ANK1: variants seen among roughly 807,000 people sequenced by gnomAD.
The protein encoded by ANK1 is ankyrin-1.
Under a neutral mutation model 210.4 loss-of-function variants are expected in ANK1, and 51 were observed. The ratio of observed to expected loss-of-function variants is 0.24; its 90% CI spans 0.19 to 0.31. ANK1 has a LOEUF of 0.31. Ranked by LOEUF, ANK1 falls within the 10% of genes least tolerant of loss-of-function variation. ANK1 has a pLI of 1.00. For missense variants in ANK1, 2,051 were observed against 2,504.4 expected (o/e 0.82, Z 3.86); for synonymous variants, 967 against 1,025.9 (o/e 0.94, Z 1.10).
intron 35 of ANK1, among the ~76,000 whole-genome samples, 175 bp from the exon 36 acceptor site, chr8:41,686,458 T>A (rs921301786): frequency 6.6e-6 from 1 of 152,182 alleles, no homozygotes; most frequent in Non-Finnish European, 1.5e-5. Context: ...AAATTCCTTA[T>A]GAAATGCCAG....
At chr8:41,805,374 TGGGACTACA>T (rs1400832730) in intron 1 of ANK1, among the ~76,000 whole-genome samples, 1 of 152,074 alleles carries the variant, frequency 6.6e-6, no homozygotes, top group Non-Finnish European at 1.5e-5. Context: ...TCGAAGTAGC[TGGGACTACA>T]GGTTTGTGCC....
In ANK1 at chr8:41,725,998, C is replaced by T. The variant is rs770654681; in HGVS notation, c.427-52G>A. ...TCTGACTCGTCTGACGCCAGCCGCC[C>T]TTCACACGGGACACACCCTTGCCCC... On this transcript the variant is annotated intron_variant, in intron 5 of 42. Coordinates refer to ENST00000289734, the MANE Select transcript of ANK1 (RefSeq NM_000037.4). 3 of 1,587,540 alleles carry T rather than the reference C, an allele frequency of 1.9e-6. No individual in the cohort carries two copies. The African/African-American group carries it at 4.0e-5, about 21-fold the overall frequency.
At chr8:41,866,965 A>G (rs944975087) in intron 1 of ANK1, among the ~76,000 whole-genome samples, 2 of 152,236 alleles carry the variant, frequency 1.3e-5, no homozygotes, top group Admixed American at 1.3e-4. Flanking sequence ...TCCTTTGGAT[A>G]TATACCCAGA....
rs140973736 is a variant in ANK1, at chr8:41,888,550, G to A, written c.126+7805C>T. 6.6e-5 allele frequency among the ~76,000 whole-genome samples: 10 copies of A among 152,318 alleles called. No homozygotes were observed. In the East Asian group the frequency reaches 1.9e-3, roughly 29 times the overall value. ...GGCGCTTCTGGGATAGGCCTGGGAAGCATCCACATAAAAAGCTAAAGGCCC... is the reference window on the plus strand; with the variant it reads ...GGCGCTTCTGGGATAGGCCTGGGAAACATCCACATAAAAAGCTAAAGGCCC... On this transcript the variant is annotated intron_variant, in intron 1 of 42. Transcript: ENST00000265709.
intron 1 of ANK1, among the ~76,000 whole-genome samples, chr8:41,779,058 C>G (rs1048797721): frequency 6.6e-6 from 1 of 152,084 alleles, no homozygotes; most frequent in African/African-American, 2.4e-5. Flanking sequence ...GTCCCGGAGG[C>G]CTTTATGAGG....
chr8:41,785,429 AG>A lies in ANK1; in HGVS notation c.27+12082del, dbSNP rs1846141832. Reference sequence around the variant, plus strand: ...GTTTGTGATTAAGGACTCTGAGTCTAGGGCCAGCTTGCCTGGCTTCCTGCCC... The same window carrying A: ...GTTTGTGATTAAGGACTCTGAGTCTAGGCCAGCTTGCCTGGCTTCCTGCCC... On this transcript the variant is annotated intron_variant, in intron 1 of 42. Transcript: ENST00000289734. 2.0e-5 allele frequency among the ~76,000 whole-genome samples: 3 copies of A among 152,354 alleles called. No homozygotes were observed. The South Asian group carries it at 6.2e-4, about 32-fold the overall frequency.
chr8:41,697,928 T>C (rs1821559405), intron 24 of ANK1, 115 bp downstream of exon 24: 1 of 943,762 alleles, frequency 1.1e-6, no homozygotes, highest in African/African-American at 1.6e-5. Context: ...GGACAGTGAG[T>C]GGCATGTGAG....
At chr8:41,693,015 C>G (rs1443468035) in intron 30 of ANK1, 90 bp downstream of exon 30, 7 of 1,515,214 alleles carry the variant, frequency 4.6e-6, no homozygotes, top group Admixed American at 1.7e-5. Flanking sequence ...ATGGAGGGGA[C>G]AGTGAGGGAG....
chr8:41,706,204 C>G lies in ANK1; in HGVS notation c.2036G>C (p.Gly679Ala), dbSNP rs777182935. The stretch of plus-strand genomic sequence containing the variant: ...CAGCACATCTGCCACTGGAACGTGG[C>G]CTTCTTGTGCTACCAGATGGAGGGG... ...LTPLHLVAQE[G>A]HVPVADVLIK... Residue 679 changes from glycine to alanine, a missense_variant, in exon 18 of 43, where the codon GGC (glycine) becomes GCC (alanine). Gly to Ala is a moderately conservative substitution (Grantham distance 60). Around this residue, in one of 6 missense-constraint regions of ANK1, gnomAD observed 1,413 missense variants for 1,707.4 expected, o/e 0.83. Transcript: ENST00000289734. The G allele has an allele frequency of 6.2e-7, 1 of 1,614,064 alleles. No homozygotes were observed. Among genetic ancestry groups the G allele is most frequent in the African/African-American group, 1.3e-5 (1 of 74,950 alleles).
chr8:41,745,838 C>T (rs1835979674), intron 2 of ANK1, among the ~76,000 whole-genome samples: 3 of 152,130 alleles, frequency 2.0e-5, no homozygotes, highest in Non-Finnish European at 4.4e-5. Context: ...GCTGGGACTA[C>T]AGGTGCAGGG....
intron 1 of ANK1, among the ~76,000 whole-genome samples, chr8:41,764,783 A>ACATCAC (rs1315194751): frequency 2.0e-5 from 3 of 152,222 alleles, no homozygotes; most frequent in Non-Finnish European, 2.9e-5. Context: ...AATCAATGTG[A>ACATCAC]TGTCCCTGAA....
chr8:41,765,158 C>G (rs1169754868), intron 1 of ANK1, among the ~76,000 whole-genome samples: 1 of 146,286 alleles, frequency 6.8e-6, no homozygotes, highest in East Asian at 2.0e-4. Context: ...CTTCTTCCTT[C>G]CTTTCCTTTC....
chr8:41,868,309 C>T (rs1814857037), intron 1 of ANK1, among the ~76,000 whole-genome samples: 1 of 150,808 alleles, frequency 6.6e-6, no homozygotes, highest in Non-Finnish European at 1.5e-5. Flanking sequence ...CTGGCCTCTA[C>T]CTACTAGGTG....
At chr8:41,686,049 A>T in intron 36 of ANK1, 103 bp downstream of exon 36, 1 of 1,562,582 alleles carries the variant, frequency 6.4e-7, no homozygotes. Flanking sequence ...AGACAGAGAC[A>T]GACTGACTCC....
At chr8:41,845,655 A>T (rs570482923) in intron 1 of ANK1, among the ~76,000 whole-genome samples, 25 of 152,176 alleles carry the variant, frequency 1.6e-4, no homozygotes, top group Non-Finnish European at 2.6e-4. Flanking sequence ...AGAAGGGAGA[A>T]ATGATTAACT....
intron 2 of ANK1, among the ~76,000 whole-genome samples, chr8:41,743,525 C>A (rs534767902): frequency 6.6e-6 from 1 of 152,314 alleles, no homozygotes; most frequent in South Asian, 2.1e-4. Flanking sequence ...CCCCACCCAG[C>A]TGGAGATGTC....
rs757256701 is a variant in ANK1 at position 41,723,532 on chromosome 8, C to T, written c.810+3G>A. ...CCTGGCTACAGCACCTGCTGGCACCCACCTTGGTCTTGGTTTCTATCTGGG... is the reference window on the plus strand; with the variant it reads ...CCTGGCTACAGCACCTGCTGGCACCTACCTTGGTCTTGGTTTCTATCTGGG... On this transcript the variant is annotated splice_donor_region_variant and intron_variant, in intron 8 of 42. Transcript: ENST00000289734. 1 of 1,614,064 alleles carries T rather than the reference C, an allele frequency of 6.2e-7. No individual in the cohort carries two copies. Among genetic ancestry groups the T allele is most frequent in the Non-Finnish European group, 8.5e-7 (1 of 1,179,990 alleles).
At chr8:41,692,448 C>T (rs1198574206) in intron 31 of ANK1, among the ~76,000 whole-genome samples, 200 bp downstream of exon 31, 1 of 152,246 alleles carries the variant, frequency 6.6e-6, no homozygotes, top group Non-Finnish European at 1.5e-5. Flanking sequence ...CTGCAGCCTC[C>T]TCTGAGATGT....
At chr8:41,696,828 C>T (rs1821162008) in intron 24 of ANK1, 55 bp from the exon 25 acceptor site, 4 of 1,518,254 alleles carry the variant, frequency 2.6e-6, no homozygotes, top group Middle Eastern at 2.1e-4. Context: ...CAGCTGGATG[C>T]CGTGCCAGGG....
Sources: gnomAD v4.1 joint callset for allele counts (sites outside exome capture counted in the v4.1 genomes callset) on GRCh38, gnomAD v4.1.1 for gene constraint, gnomAD v4.1.1 regional missense constraint, MANE v1.5 for transcripts, NCBI Gene and HGNC (gene_info 2026-07-23, HGNC 2026-07-21) for gene names.